TWSG1: variants seen among roughly 807,000 people sequenced by gnomAD.
The protein encoded by TWSG1 is twisted gastrulation protein homolog 1.
A neutral mutation model predicts 23.0 loss-of-function variants in TWSG1; 15 were observed. The observed-to-expected ratio is 0.65, with a 90% CI of 0.44 to 1.00. The LOEUF (loss-of-function observed/expected upper bound fraction) is 1.00. Among genes scored for constraint, TWSG1 ranks in the 50% least tolerant of loss-of-function variants. The pLI is 0.00. For missense variants in TWSG1, 242 were observed against 278.7 expected, an observed-to-expected ratio of 0.87 and a Z score of 0.94; for synonymous variants, 86 against 92.8, an observed-to-expected ratio of 0.93 and a Z score of 0.42.
intron 2 of TWSG1, among the ~76,000 whole-genome samples, chr18:9,355,298 G>T (rs1404668259): frequency 6.6e-6 from 1 of 152,134 alleles, no homozygotes; most frequent in African/African-American, 2.4e-5. Flanking sequence ...GATTCTGCTT[G>T]ATTTAAATGG....
In TWSG1 at chr18:9,356,969, T is replaced by C. The variant is rs867828392; in HGVS notation, c.124-3003T>C. 3.4e-3 allele frequency among the ~76,000 whole-genome samples: 312 copies of C among 91,390 alleles called. 1 individual carries two copies. Among genetic ancestry groups the C allele is most frequent in the Middle Eastern group, 0.028 (5 of 180 alleles). The allele number at this position is 91,390 out of a possible 152,430, so 60.0% of individuals were successfully genotyped here. The stretch of plus-strand genomic sequence containing the variant: ...GTGACTAAGTGCTAACCTTTATAAA[T>C]CTAAAAAAAAAAAAAAAAAAAAGAC... On this transcript the variant is annotated intron_variant, in intron 2 of 4. Transcript: ENST00000262120.
chr18:9,337,089 A>G (rs1055022421), intron 1 of TWSG1, 104 bp from the exon 2 acceptor site: 2 of 1,034,354 alleles, frequency 1.9e-6, no homozygotes, highest in South Asian at 3.0e-5. Flanking sequence ...GAAAAAGTAT[A>G]TTGACACAAA....
chr18:9,381,885 G>A (rs1219588193), intron 3 of TWSG1, among the ~76,000 whole-genome samples: 1 of 151,866 alleles, frequency 6.6e-6, no homozygotes, highest in Non-Finnish European at 1.5e-5. Flanking sequence ...GCATCCATAC[G>A]GAAAACCAGA....
At chr18:9,363,917 C>T (rs748061159) in intron 3 of TWSG1, among the ~76,000 whole-genome samples, 7 of 152,240 alleles carry the variant, frequency 4.6e-5, no homozygotes, top group East Asian at 1.9e-4. Context: ...TGTGAGCCAC[C>T]GCACCCGGCC....
chr18:9,364,502 C>T (rs1457182083), intron 3 of TWSG1, among the ~76,000 whole-genome samples: 1 of 152,142 alleles, frequency 6.6e-6, no homozygotes, highest in Non-Finnish European at 1.5e-5. Flanking sequence ...TCATTAGAAG[C>T]TGTAAAACAG....
chr18:9,344,531 A>ATT (rs386387024), intron 2 of TWSG1, among the ~76,000 whole-genome samples: 10 of 102,094 alleles, frequency 9.8e-5, no homozygotes, highest in African/African-American at 2.6e-4. Flanking sequence ...GTATGTATGT[A>ATT]TTTTTTTTTT....
chr18:9,381,570 A>G (rs1317736207), intron 3 of TWSG1, among the ~76,000 whole-genome samples: 1 of 152,220 alleles, frequency 6.6e-6, no homozygotes, highest in Non-Finnish European at 1.5e-5. Context: ...TATAGAAAAG[A>G]AAGCCATCTA....
intron 2 of TWSG1, among the ~76,000 whole-genome samples, chr18:9,353,598 C>G (rs1226614952): frequency 1.3e-5 from 2 of 152,154 alleles, no homozygotes; most frequent in African/African-American, 4.8e-5. Flanking sequence ...ACTTTAAGAA[C>G]ATCTAGCATA....
At chr18:9,380,783 C>T (rs1462592616) in intron 3 of TWSG1, among the ~76,000 whole-genome samples, 8 of 152,114 alleles carry the variant, frequency 5.3e-5, no homozygotes, top group Non-Finnish European at 8.8e-5. Context: ...ATAAATATGA[C>T]AATTTGAGAG....
chr18:9,396,915 C>T (rs564724614), intron 4 of TWSG1: 70 of 242,242 alleles, frequency 2.9e-4, no homozygotes, highest in African/African-American at 1.4e-3. Flanking sequence ...AAAAATTAGC[C>T]GGGTGTGGTG....
chr18:9,374,562 C>A (rs1298359739), intron 3 of TWSG1, among the ~76,000 whole-genome samples: 2 of 152,078 alleles, frequency 1.3e-5, no homozygotes, highest in South Asian at 4.2e-4. Flanking sequence ...GAGAAAGTAC[C>A]AGACCCAATG....
chr18:9,364,415 T>C (rs1256361014), intron 3 of TWSG1, among the ~76,000 whole-genome samples: 2 of 152,200 alleles, frequency 1.3e-5, no homozygotes, highest in African/African-American at 4.8e-5. Flanking sequence ...TCTGATCCCT[T>C]TGTGATAAAG....
rs1388223827 is a variant in TWSG1 at position 9,382,885 on chromosome 18, TAAC to T, written c.224-13392_224-13390del. Among the ~76,000 whole-genome samples the T allele has an allele frequency of 4.7e-5, 7 of 148,460 alleles. No individual in the cohort carries two copies. The South Asian group carries it at 1.1e-3, about 23-fold the overall frequency. The stretch of plus-strand genomic sequence containing the variant: ...GAGAGGCTGGGAAAAGAAAAAGAAA[TAAC>T]AAGAGGCTCTCCCCAACAAACTCTC... On this transcript the variant is annotated intron_variant, in intron 3 of 4. Transcript: ENST00000262120.
chr18:9,339,782 G>A (rs1231156674), intron 2 of TWSG1, among the ~76,000 whole-genome samples: 3 of 151,674 alleles, frequency 2.0e-5, no homozygotes, highest in African/African-American at 4.9e-5. Flanking sequence ...CCACCTGGGC[G>A]ACAGAGCAAG....
At chr18:9,359,806 A>T (rs2040543877) in intron 2 of TWSG1, among the ~76,000 whole-genome samples, 166 bp from the exon 3 acceptor site, 1 of 152,224 alleles carries the variant, frequency 6.6e-6, no homozygotes, top group Non-Finnish European at 1.5e-5. Context: ...TCTACGTGAC[A>T]TTGTAGATAT....
chr18:9,340,707 G>A (rs2040443077), intron 2 of TWSG1, among the ~76,000 whole-genome samples: 1 of 152,188 alleles, frequency 6.6e-6, no homozygotes, highest in African/African-American at 2.4e-5. Flanking sequence ...GAAGGTGGTG[G>A]GGGTGGAATT....
At chr18:9,342,445 C>G (rs1409195372) in intron 2 of TWSG1, among the ~76,000 whole-genome samples, 1 of 152,132 alleles carries the variant, frequency 6.6e-6, no homozygotes, top group Non-Finnish European at 1.5e-5. Context: ...TGGCAATAAA[C>G]CATGTTTATA....
intron 3 of TWSG1, among the ~76,000 whole-genome samples, chr18:9,374,323 T>C (rs1225465497): frequency 6.6e-6 from 1 of 151,996 alleles, no homozygotes; most frequent in Non-Finnish European, 1.5e-5. Context: ...CACAAATTAC[T>C]AACAGCAGAA....
rs559230967 is a variant in TWSG1, at chr18:9,362,170, A to G, written c.223+2099A>G. 2.0e-5 allele frequency among the ~76,000 whole-genome samples: 3 copies of G among 152,342 alleles called. No homozygotes were observed. In the South Asian group the frequency reaches 6.2e-4, roughly 32 times the overall value. On this transcript the variant is annotated intron_variant, in intron 3 of 4. Transcript: ENST00000262120. ...TTAATTTAATATGTACAGTGAAACTAAAAAAGAGGAAATAGTCATCTTAAT... is the reference window on the plus strand; with the variant it reads ...TTAATTTAATATGTACAGTGAAACTGAAAAAGAGGAAATAGTCATCTTAAT...
Sources: gnomAD v4.1 joint callset for allele counts (sites outside exome capture counted in the v4.1 genomes callset) on GRCh38, gnomAD v4.1.1 for gene constraint, MANE v1.5 for transcripts, NCBI Gene and HGNC (gene_info 2026-07-23, HGNC 2026-07-21) for gene names.